Variants in RAB7A observed in about 807,000 individuals in gnomAD.
The protein encoded by RAB7A is ras-related protein Rab-7a.
A neutral mutation model predicts 24.5 loss-of-function variants in RAB7A; 2 were observed. The ratio of observed to expected loss-of-function variants is 0.08; its 90% CI spans 0.03 to 0.26. The LOEUF is 0.26. Ranked by LOEUF, RAB7A falls within the 10% of genes least tolerant of loss-of-function variation. The probability of loss-of-function intolerance (pLI) is 1.00; values close to 1 mark genes in which losing one functional copy is unlikely to be tolerated. For missense variants in RAB7A, 118 were observed against 255.7 expected, an observed-to-expected ratio of 0.46 and a Z score of 3.67; for synonymous variants, 100 against 95.9, an observed-to-expected ratio of 1.04 and a Z score of -0.25.
At chr3:128,779,359 G>T (rs1933164205) in intron 1 of RAB7A, among the ~76,000 whole-genome samples, 1 of 151,122 alleles carries the variant, frequency 6.6e-6, no homozygotes. Context: ...AGTGAGCCGA[G>T]ATCACGCCAC....
At chr3:128,790,845 A>G (rs897375762) in intron 1 of RAB7A, among the ~76,000 whole-genome samples, 2 of 152,060 alleles carry the variant, frequency 1.3e-5, no homozygotes, top group Non-Finnish European at 2.9e-5. Context: ...ATTTATTTTT[A>G]TGAATAAAAA....
chr3:128,731,127 A>G (rs1236131234), intron 1 of RAB7A, among the ~76,000 whole-genome samples: 2 of 152,216 alleles, frequency 1.3e-5, no homozygotes, highest in African/African-American at 4.8e-5. Flanking sequence ...TTTAAAAGTT[A>G]CTTAGTGAAG....
chr3:128,751,010 T>C (rs2070675764), intron 1 of RAB7A, among the ~76,000 whole-genome samples: 3 of 152,244 alleles, frequency 2.0e-5, no homozygotes, highest in African/African-American at 7.2e-5. Flanking sequence ...CACGTGGTGC[T>C]GAGTCTGCGA....
chr3:128,738,129 C>G (rs915557063), intron 1 of RAB7A, among the ~76,000 whole-genome samples: 1 of 152,020 alleles, frequency 6.6e-6, no homozygotes, highest in Admixed American at 6.6e-5. Context: ...ACCTCTTGAG[C>G]TCAAGTCATC....
At chr3:128,777,824 C>T (rs535686194) in intron 1 of RAB7A, among the ~76,000 whole-genome samples, 4 of 152,154 alleles carry the variant, frequency 2.6e-5, no homozygotes, top group Admixed American at 6.5e-5. Context: ...CGGGTTCAAG[C>T]GATTCTCCCA....
intron 1 of RAB7A, among the ~76,000 whole-genome samples, chr3:128,776,476 G>C (rs939367193): frequency 6.6e-6 from 1 of 151,946 alleles, no homozygotes; most frequent in Non-Finnish European, 1.5e-5. Context: ...TTAGAGATGG[G>C]GTTTCACCAT....
chr3:128,768,800 C>G (rs1184397433), intron 1 of RAB7A, among the ~76,000 whole-genome samples: 4 of 151,318 alleles, frequency 2.6e-5, no homozygotes, highest in Non-Finnish European at 5.9e-5. Flanking sequence ...CAGCTTCAGC[C>G]TTTCCACCTT....
intron 1 of RAB7A, among the ~76,000 whole-genome samples, chr3:128,742,770 A>G (rs570264641): frequency 1.3e-5 from 2 of 152,356 alleles, no homozygotes; most frequent in Admixed American, 1.3e-4. Context: ...TAGATTAGCT[A>G]GACACAGAGT....
intron 1 of RAB7A, chr3:128,765,164 C>T (rs187490027): frequency 1.2e-4 from 81 of 697,456 alleles, no homozygotes; most frequent in African/African-American, 8.9e-4. Flanking sequence ...CGCTGGGTTC[C>T]GTCCAAGCAC....
At chr3:128,739,324 C>T (rs1266633784) in intron 1 of RAB7A, among the ~76,000 whole-genome samples, 3 of 152,100 alleles carry the variant, frequency 2.0e-5, no homozygotes, top group Admixed American at 1.3e-4. Flanking sequence ...ACCAGCCTGA[C>T]TAACATGGTG....
intron 1 of RAB7A, among the ~76,000 whole-genome samples, chr3:128,793,245 T>C (rs1346462972): frequency 6.8e-6 from 1 of 147,812 alleles, no homozygotes. Flanking sequence ...CTGGTCTCGA[T>C]CTCCTGATCT....
intron 1 of RAB7A, among the ~76,000 whole-genome samples, chr3:128,731,525 T>C (rs1479152804): frequency 2.0e-5 from 3 of 152,258 alleles, no homozygotes; most frequent in African/African-American, 7.2e-5. Flanking sequence ...AGTTTACATG[T>C]GATTTCATTT....
chr3:128,746,060 A>G (rs1394704525), intron 1 of RAB7A, among the ~76,000 whole-genome samples: 1 of 152,220 alleles, frequency 6.6e-6, no homozygotes, highest in African/African-American at 2.4e-5. Flanking sequence ...GACATTTGAA[A>G]TAGACTCGGA....
intron 1 of RAB7A, among the ~76,000 whole-genome samples, chr3:128,729,563 T>G (rs534401001): frequency 7.3e-6 from 1 of 136,932 alleles, no homozygotes; most frequent in African/African-American, 3.0e-5. Flanking sequence ...GAGCGAGACT[T>G]CTTCTCAAAA....
chr3:128,756,292 G>A (rs2070728802), intron 1 of RAB7A, among the ~76,000 whole-genome samples: 1 of 151,976 alleles, frequency 6.6e-6, no homozygotes, highest in Non-Finnish European at 1.5e-5. Flanking sequence ...AACCCAGGAG[G>A]CGGAGGTTGC....
chr3:128,811,770 G>T (rs1226019658), intron 5 of RAB7A, among the ~76,000 whole-genome samples: 1 of 151,748 alleles, frequency 6.6e-6, no homozygotes, highest in African/African-American at 2.4e-5. Flanking sequence ...GATTGTGTGA[G>T]CCCAGGAGTT....
intron 2 of RAB7A, 106 bp downstream of exon 2, chr3:128,795,526 T>G: frequency 2.0e-6 from 2 of 1,012,098 alleles, no homozygotes; most frequent in East Asian, 4.8e-5. Context: ...ATAGTGAGGC[T>G]TAGGGCCTTA....
At chr3:128,803,137 A>G (rs972069512) in intron 3 of RAB7A, among the ~76,000 whole-genome samples, 1 of 152,222 alleles carries the variant, frequency 6.6e-6, no homozygotes, top group Non-Finnish European at 1.5e-5. Flanking sequence ...GGACCAGGAC[A>G]GGGCTTTACA....
At chr3:128,758,295 C>G (rs1364533592) in intron 1 of RAB7A, among the ~76,000 whole-genome samples, 71 of 131,736 alleles carry the variant, frequency 5.4e-4, no homozygotes, top group Non-Finnish European at 8.3e-4. Context: ...TTTTTTGAGA[C>G]AGAGTCTGGC....
Sources: gnomAD v4.1 joint callset for allele counts (sites outside exome capture counted in the v4.1 genomes callset) on GRCh38, gnomAD v4.1.1 for gene constraint, MANE v1.5 for transcripts, NCBI Gene and HGNC (gene_info 2026-07-23, HGNC 2026-07-21) for gene names.